GRM2: variants seen among roughly 807,000 people sequenced by gnomAD.
GRM2 encodes the protein glutamate metabotropic receptor 2, also known as metabotropic glutamate receptor 2.
GRM2 carries 35 observed loss-of-function variants against 60.4 expected under a neutral mutation model. The observed-to-expected ratio is 0.58, with a 90% CI of 0.44 to 0.77. The LOEUF is 0.77. GRM2 is among the 30% of genes least tolerant of loss of function. The pLI, the probability that GRM2 is intolerant of heterozygous loss-of-function variation, is 0.00. For synonymous variants in GRM2, 437 were observed against 484.1 expected, an observed-to-expected ratio of 0.90 and a Z score of 1.28; for missense variants, 925 against 1,199.5, an observed-to-expected ratio of 0.77 and a Z score of 3.38.
chr3:51,709,510 C>T (rs983662787), intron 2 of GRM2, 77 bp downstream of exon 2: 14 of 1,012,012 alleles, frequency 1.4e-5, no homozygotes, highest in Non-Finnish European at 1.8e-5. Flanking sequence ...TGAAAAGGGG[C>T]TCATGGGCTG....
chr3:51,713,230 C>A lies in GRM2; in HGVS notation c.1208C>A (p.Thr403Asn). Reference sequence around the variant, plus strand: ...ATGCACCGTGCCCTCTGCCCCAACACCACCCGGCTCTGTGACGCGATGCGG... The same window carrying A: ...ATGCACCGTGCCCTCTGCCCCAACAACACCCGGCTCTGTGACGCGATGCGG... The part of the protein sequence containing the change: ...HNMHRALCPN[T>N]TRLCDAMRPV... The change falls in exon 3 of 6, where the codon ACC becomes AAC. Residue 403 changes from threonine (T) to asparagine (N), a missense_variant. Transcript: ENST00000395052. The surrounding 1 kb of genome is among the most constrained non-coding windows in gnomAD (Gnocchi z 4.8). 1 of 1,613,112 alleles carries A rather than the reference C, an allele frequency of 6.2e-7. No individual in the cohort carries two copies. Among genetic ancestry groups the A allele is most frequent in the Non-Finnish European group, 8.5e-7 (1 of 1,180,004 alleles).
rs749107956 is a variant in GRM2, at chr3:51,713,058, C to T, written c.1036C>T (p.Arg346Cys). ...GAACAACAGCCGGAACCCCTGGTTC[C>T]GTGAATTCTGGGAGCAGAGGTTCCG... ...PWNNSRNPWF[R>C]EFWEQRFRCS... Residue 346 changes from arginine (R) to cysteine (C), a missense_variant, in exon 3 of 6, where the codon CGT becomes TGT. Physicochemically the swap from Arg to Cys is radical, Grantham distance 180 (BLOSUM62 -3). Transcript: ENST00000395052. This position sits in a 1 kb window ranked among gnomAD's most constrained non-coding sequence, Gnocchi z 4.8. 5.0e-6 allele frequency: 8 copies of T among 1,613,146 alleles called. No individual in the cohort carries two copies. The highest frequency in any genetic ancestry group is 1.1e-5 in the South Asian group (1 of 91,090).
In GRM2 at chr3:51,717,404, C is replaced by T. The variant is rs1167727266; in HGVS notation, c.2365-233C>T. Among the ~76,000 whole-genome samples the T allele has an allele frequency of 1.3e-5, 2 of 152,166 alleles. No homozygotes were observed. The highest frequency in any genetic ancestry group is 2.9e-5 in the Non-Finnish European group (2 of 68,018). On this transcript the variant is annotated intron_variant, in intron 4 of 5. Coordinates refer to ENST00000395052, the MANE Select transcript of GRM2 (RefSeq NM_000839.5). The surrounding 1 kb of genome is among the most constrained non-coding windows in gnomAD (Gnocchi z 6.0). ...ACACACCCCTGTGTATACATGCCCC[C>T]CTGCATGTTCTCCCCTTCAGCTGGA...
rs754083921 is a variant in GRM2 at position 51,717,678 on chromosome 3, C to G, written c.2406C>G (p.Gly802=). Residue 802 remains glycine, a synonymous_variant, in exon 5 of 6, where the codon GGC becomes GGG. Transcript: ENST00000395052. This position sits in a 1 kb window ranked among gnomAD's most constrained non-coding sequence, Gnocchi z 6.0. ...TGTGCGTGTCAGTCAGCCTCAGCGGCTCCGTGGTGCTTGGCTGCCTCTTTG... is the reference window on the plus strand; with the variant it reads ...TGTGCGTGTCAGTCAGCCTCAGCGGGTCCGTGGTGCTTGGCTGCCTCTTTG... ...TTMCVSVSLS[G]SVVLGCLFAP... The G allele has an allele frequency of 1.2e-6, 2 of 1,613,962 alleles. No individual in the cohort carries two copies. Among genetic ancestry groups the G allele is most frequent in the East Asian group, 2.2e-5 (1 of 44,888 alleles).
At position 51,709,241 on chromosome 3, in the gene GRM2, A is replaced by G. The variant is rs1369814885; in HGVS notation, c.258A>G (p.Ala86=). The part of the protein sequence containing the change: ...PHLLPGVRLG[A]HILDSCSKDT... ...TGCTGCCTGGCGTGCGCCTGGGTGC[A>G]CACATCCTCGACAGTTGCTCCAAGG... The change falls in exon 2 of 6, where the codon GCA becomes GCG. Residue 86 remains alanine (A), a synonymous_variant. Transcript: ENST00000395052. The G allele has an allele frequency of 1.2e-6, 2 of 1,607,106 alleles. No homozygotes were observed. The highest frequency in any genetic ancestry group is 1.7e-6 in the Non-Finnish European group (2 of 1,175,414).
rs1352692002 is a variant in GRM2 at position 51,709,167 on chromosome 3, C to T, written c.184C>T (p.Leu62=). 1 of 1,612,444 alleles carries T rather than the reference C, an allele frequency of 6.2e-7. No individual in the cohort carries two copies. Among genetic ancestry groups the T allele is most frequent in the Non-Finnish European group, 8.5e-7 (1 of 1,179,658 alleles). Residue 62 remains leucine (L), a synonymous_variant, in exon 2 of 6, where the codon CTG becomes TTG. Transcript: ENST00000395052. Reference sequence around the variant, plus strand: ...CAATGAGCACCGTGGCATCCAGCGCCTGGAGGCCATGCTTTTTGCACTGGA... The same window carrying T: ...CAATGAGCACCGTGGCATCCAGCGCTTGGAGGCCATGCTTTTTGCACTGGA... ...PVNEHRGIQR[L]EAMLFALDRI... is the part of the protein sequence containing the mutation.
In GRM2 at chr3:51,717,648, C is replaced by A. The variant is rs1024062674; in HGVS notation, c.2376C>A (p.Thr792=). Residue 792 remains threonine (T), a synonymous_variant, in exon 5 of 6, where the codon ACC becomes ACA. Transcript: ENST00000395052. This position sits in a 1 kb window ranked among gnomAD's most constrained non-coding sequence, Gnocchi z 6.0. ...VTSSDYRVQT[T]TMCVSVSLSG... is the part of the protein sequence containing the mutation. Reference sequence around the variant, plus strand: ...CTCACCCACCGCAGGTACAGACCACCACCATGTGCGTGTCAGTCAGCCTCA... The same window carrying A: ...CTCACCCACCGCAGGTACAGACCACAACCATGTGCGTGTCAGTCAGCCTCA... 1 of 1,613,422 alleles carries A rather than the reference C, an allele frequency of 6.2e-7. No homozygotes were observed. The highest frequency in any genetic ancestry group is 1.7e-5 in the Admixed American group (1 of 60,016).
In GRM2 at chr3:51,714,000, A is replaced by G. The variant is rs1703816116; in HGVS notation, c.1288+690A>G. The G allele has an allele frequency of 2.2e-6, 1 of 454,362 alleles. No homozygotes were observed. Among genetic ancestry groups the G allele is most frequent in the Admixed American group, 2.4e-5 (1 of 42,324 alleles). The allele number at this position is 454,362 out of a possible 1,614,324, so 28.1% of individuals were successfully genotyped here. ...GTCTCCTGAAATCAAAAGTTATTTT[A>G]ATAAGAGTGCCAGCTTTAAGAGAAA... On this transcript the variant is annotated intron_variant, in intron 3 of 5. Coordinates refer to ENST00000395052, the MANE Select transcript of GRM2 (RefSeq NM_000839.5). This position sits in a 1 kb window ranked among gnomAD's most constrained non-coding sequence, Gnocchi z 4.8.
rs542779542 is a variant in GRM2, at chr3:51,709,068, G to A, written c.85G>A (p.Glu29Lys). The A allele has an allele frequency of 1.2e-6, 2 of 1,607,956 alleles. No individual in the cohort carries two copies. The highest frequency in any genetic ancestry group is 1.1e-5 in the South Asian group (1 of 90,996). The change falls in exon 2 of 6, where the codon GAG (glutamate) becomes AAG (lysine). Residue 29 changes from glutamate to lysine, a missense_variant. Coordinates refer to ENST00000395052, the MANE Select transcript of GRM2 (RefSeq NM_000839.5). Reference sequence around the variant, plus strand: ...CCCAGCCAAGAAGGTGCTGACCCTGGAGGGAGACTTGGTGCTGGGTGGGCT... The same window carrying A: ...CCCAGCCAAGAAGGTGCTGACCCTGAAGGGAGACTTGGTGCTGGGTGGGCT... ...EGPAKKVLTL[E>K]GDLVLGGLFP... is the part of the protein sequence containing the mutation.
At position 51,715,994 on chromosome 3, in the gene GRM2, C is replaced by T; in HGVS notation, c.2221C>T (p.Leu741Phe). 2 of 1,614,240 alleles carry T rather than the reference C, an allele frequency of 1.2e-6. No homozygotes were observed. The highest frequency in any genetic ancestry group is 1.1e-5 in the South Asian group (1 of 91,086). ...SLAYNVLLIA[L>F]CTLYAFKTRK... Reference sequence around the variant, plus strand: ...GGCCTACAATGTGCTCCTCATCGCGCTCTGCACGCTTTATGCCTTCAAGAC... The same window carrying T: ...GGCCTACAATGTGCTCCTCATCGCGTTCTGCACGCTTTATGCCTTCAAGAC... Residue 741 changes from leucine to phenylalanine, a missense_variant, in exon 4 of 6, where the codon CTC becomes TTC. Physicochemically the swap from Leu to Phe is conservative, Grantham distance 22. Transcript: ENST00000395052. This position sits in a 1 kb window ranked among gnomAD's most constrained non-coding sequence, Gnocchi z 9.0.
At position 51,713,817 on chromosome 3, in the gene GRM2, T is replaced by C. The variant is rs1471229026; in HGVS notation, c.1288+507T>C. Reference sequence around the variant, plus strand: ...TATTTTGTAGGCTGGAGTGCAGTGGTTATTCACAGGCACAATACAGCCTCC... The same window carrying C: ...TATTTTGTAGGCTGGAGTGCAGTGGCTATTCACAGGCACAATACAGCCTCC... On this transcript the variant is annotated intron_variant, in intron 3 of 5. Transcript: ENST00000395052. The surrounding 1 kb of genome is among the most constrained non-coding windows in gnomAD (Gnocchi z 4.8). 7.1e-6 allele frequency: 2 copies of C among 281,084 alleles called. No homozygotes were observed. The highest frequency in any genetic ancestry group is 1.5e-5 in the Non-Finnish European group (2 of 137,926). 17.4% of individuals were successfully genotyped at this position (281,084 alleles called of 1,614,324 possible).
In GRM2 at chr3:51,709,211, G is replaced by T. The variant is rs140328919; in HGVS notation, c.228G>T (p.Pro76=). 9 of 1,610,000 alleles carry T rather than the reference G, an allele frequency of 5.6e-6. No homozygotes were observed. The highest frequency in any genetic ancestry group is 1.3e-5 in the African/African-American group (1 of 74,880). The change falls in exon 2 of 6, where the codon CCG becomes CCT. Residue 76 remains proline, a synonymous_variant. Coordinates refer to ENST00000395052, the MANE Select transcript of GRM2 (RefSeq NM_000839.5). ...CACTGGACCGCATCAACCGTGACCC[G>T]CACCTGCTGCCTGGCGTGCGCCTGG... ...LFALDRINRD[P]HLLPGVRLGA... is the part of the protein sequence containing the mutation.
chr3:51,709,364 G>A lies in GRM2; in HGVS notation c.381G>A (p.Ala127=). 1.3e-6 allele frequency: 2 copies of A among 1,586,642 alleles called. No individual in the cohort carries two copies. The highest frequency in any genetic ancestry group is 1.7e-6 in the Non-Finnish European group (2 of 1,158,486). The change falls in exon 2 of 6, where the codon GCG becomes GCA. Residue 127 remains alanine, a synonymous_variant. Transcript: ENST00000395052. The part of the protein sequence containing the change: ...SRHICPDGSY[A]THGDAPTAIT... Reference sequence around the variant, plus strand: ...ACATCTGCCCCGACGGCTCTTATGCGACCCATGGTGATGCTCCCACTGCCA... The same window carrying A: ...ACATCTGCCCCGACGGCTCTTATGCAACCCATGGTGATGCTCCCACTGCCA...
Position 51,712,849 on chromosome 3 carries a change from G to A in GRM2, c.827G>A (p.Arg276Gln), listed in dbSNP as rs777314733. 9.1e-5 allele frequency: 147 copies of A among 1,612,908 alleles called. No individual in the cohort carries two copies. The highest frequency in any genetic ancestry group is 1.1e-4 in the Non-Finnish European group (130 of 1,180,044). The change falls in exon 3 of 6, where the codon CGG becomes CAG. Residue 276 changes from arginine to glutamine, a missense_variant. Coordinates refer to ENST00000395052, the MANE Select transcript of GRM2 (RefSeq NM_000839.5). This position sits in a 1 kb window ranked among gnomAD's most constrained non-coding sequence, Gnocchi z 5.3. Reference sequence around the variant, plus strand: ...CTGTTCACCCGTTCTGAGGATGCCCGGGAGCTGCTTGCTGCCAGCCAGCGC... The same window carrying A: ...CTGTTCACCCGTTCTGAGGATGCCCAGGAGCTGCTTGCTGCCAGCCAGCGC... ...AVLFTRSEDA[R>Q]ELLAASQRLN...
At position 51,717,155 on chromosome 3, in the gene GRM2, G is replaced by A. The variant is rs1703930214; in HGVS notation, c.2365-482G>A. Among the ~76,000 whole-genome samples the A allele has an allele frequency of 6.6e-6, 1 of 151,044 alleles. No homozygotes were observed. The highest frequency in any genetic ancestry group is 6.6e-5 in the Admixed American group (1 of 15,148). ...ACACACACTTGTACACACAGACATA[G>A]CCACATGCATGCATGCACACACACA... is the stretch of plus-strand genomic sequence containing the variant. On this transcript the variant is annotated intron_variant, in intron 4 of 5. Transcript: ENST00000395052. The surrounding 1 kb of genome is among the most constrained non-coding windows in gnomAD (Gnocchi z 6.0).
In GRM2 at chr3:51,718,145, C is replaced by T; in HGVS notation, c.*33C>T. 6.3e-7 allele frequency: 1 copy of T among 1,587,672 alleles called. No homozygotes were observed. Among genetic ancestry groups the T allele is most frequent in the Non-Finnish European group, 8.7e-7 (1 of 1,155,864 alleles). On this transcript the variant is annotated 3_prime_UTR_variant, in exon 6 of 6. Transcript: ENST00000395052. The surrounding 1 kb of genome is among the most constrained non-coding windows in gnomAD (Gnocchi z 4.2). The stretch of plus-strand genomic sequence containing the variant: ...ATACTCCCGCCCTGACACAGCTGCT[C>T]CTGGGAACCTAGTGCAGACCCACGT...
intron 2 of GRM2, 96 bp downstream of exon 2, chr3:51,709,529 T>A (rs1199548715): frequency 1.2e-6 from 1 of 856,930 alleles, no homozygotes; most frequent in East Asian, 2.7e-5. Context: ...TGCTGTGAAT[T>A]GGAAGGGAAA....
Position 51,716,801 on chromosome 3 carries a change from G to A in GRM2, c.2364+664G>A, listed in dbSNP as rs902459672. 3.0e-4 allele frequency among the ~76,000 whole-genome samples: 46 copies of A among 152,212 alleles called. No individual in the cohort carries two copies. The highest frequency in any genetic ancestry group is 1.0e-3 in the African/African-American group (42 of 41,450). ...ACAGATGAAGAAACAGAGACTCAGG[G>A]AGGTTCAATCCCTTGCCCAAGGTCA... On this transcript the variant is annotated intron_variant, in intron 4 of 5. Transcript: ENST00000395052. The surrounding 1 kb of genome is among the most constrained non-coding windows in gnomAD (Gnocchi z 4.0).
Position 51,718,321 on chromosome 3 carries a change from C to T in GRM2, c.*209C>T. On this transcript the variant is annotated 3_prime_UTR_variant, in exon 6 of 6. Transcript: ENST00000395052. The surrounding 1 kb of genome is among the most constrained non-coding windows in gnomAD (Gnocchi z 4.2). Reference sequence around the variant, plus strand: ...CAGGAGCCTCTGCAGTGGCCACTAACTGCCCTTGTAGCTGTGTTTCCTCCT... The same window carrying T: ...CAGGAGCCTCTGCAGTGGCCACTAATTGCCCTTGTAGCTGTGTTTCCTCCT... 1.7e-6 allele frequency: 1 copy of T among 588,882 alleles called. No homozygotes were observed. Among genetic ancestry groups the T allele is most frequent in the Non-Finnish European group, 3.1e-6 (1 of 327,704 alleles). 36.5% of individuals were successfully genotyped at this position (588,882 alleles called of 1,614,324 possible).
Sources: gnomAD v4.1 joint callset for allele counts (sites outside exome capture counted in the v4.1 genomes callset) on GRCh38, gnomAD v4.1.1 for gene constraint, Gnocchi (gnomAD v3.1) non-coding constraint, MANE v1.5 for transcripts, NCBI Gene and HGNC (gene_info 2026-07-23, HGNC 2026-07-21) for gene names.